Variants in NPTN observed in about 807,000 individuals in gnomAD.
NPTN encodes the protein neuroplastin.
Under a neutral mutation model 42.7 loss-of-function variants are expected in NPTN, and 5 were observed. The observed-to-expected ratio is 0.12, with a 90% CI of 0.06 to 0.25. NPTN has a LOEUF of 0.25. Among genes scored for constraint, NPTN ranks in the 10% least tolerant of loss-of-function variants. NPTN has a pLI of 1.00. For missense variants in NPTN, 307 were observed against 525.4 expected, an observed-to-expected ratio of 0.58 and a Z score of 4.06; for synonymous variants, 180 against 201.9, an observed-to-expected ratio of 0.89 and a Z score of 0.92.
rs1280379759 is a variant in NPTN, at chr15:73,597,866, A to G, written c.92-497T>C. Reference sequence around the variant, plus strand: ...AATGCAGTGTCTTTTGCAAGCCTCAACAAGAAGTATTAAATGACCTACTGG... The same window carrying G: ...AATGCAGTGTCTTTTGCAAGCCTCAGCAAGAAGTATTAAATGACCTACTGG... On this transcript the variant is annotated intron_variant, in intron 1 of 8. Coordinates refer to ENST00000345330, the MANE Select transcript of NPTN (RefSeq NM_012428.4). The surrounding 1 kb of genome is among the most constrained non-coding windows in gnomAD (Gnocchi z 6.3). 1.3e-5 allele frequency among the ~76,000 whole-genome samples: 2 copies of G among 152,236 alleles called. No individual in the cohort carries two copies. Among genetic ancestry groups the G allele is most frequent in the African/African-American group, 4.8e-5 (2 of 41,470 alleles).
intron 1 of NPTN, among the ~76,000 whole-genome samples, chr15:73,605,111 G>A (rs12441072): frequency 0.46 from 64,239 of 140,458 alleles, 15,381 homozygotes; most frequent in Middle Eastern, 0.56. Flanking sequence ...GGGGGGGGGG[G>A]AAAAGAATGA....
intron 1 of NPTN, among the ~76,000 whole-genome samples, chr15:73,628,743 T>A (rs1898570139): frequency 6.6e-6 from 1 of 152,058 alleles, no homozygotes; most frequent in Non-Finnish European, 1.5e-5. Context: ...CCCAATTAAA[T>A]CTTTTTTTAA....
chr15:73,596,537 A>C (rs1369150448), intron 2 of NPTN, among the ~76,000 whole-genome samples: 1 of 152,234 alleles, frequency 6.6e-6, no homozygotes, highest in Admixed American at 6.5e-5. Context: ...AGAAATAAAA[A>C]GTAGTTAGAC....
intron 3 of NPTN, among the ~76,000 whole-genome samples, chr15:73,590,644 G>A (rs975036036): frequency 1.3e-5 from 2 of 151,724 alleles, no homozygotes; most frequent in East Asian, 3.9e-4. Flanking sequence ...GTGTGGTGGT[G>A]TGCACCTGTG....
chr15:73,598,692 C>G (rs1896940853), intron 1 of NPTN, among the ~76,000 whole-genome samples: 2 of 152,152 alleles, frequency 1.3e-5, no homozygotes, highest in African/African-American at 4.8e-5. Context: ...GCTGCATAAG[C>G]CAAGCCAGCC....
At position 73,597,330 on chromosome 15, in the gene NPTN, G is replaced by A. The variant is rs750676855; in HGVS notation, c.131C>T (p.Thr44Met). The A allele has an allele frequency of 3.7e-6, 6 of 1,613,600 alleles. No homozygotes were observed. Among genetic ancestry groups the A allele is most frequent in the East Asian group, 2.2e-5 (1 of 44,852 alleles). The change falls in exon 2 of 9, where the codon ACG becomes ATG. Residue 44 changes from threonine (T) to methionine (M), a missense_variant. Physicochemically the swap from Thr to Met is moderately conservative, Grantham distance 81. This residue lies in a region of NPTN where 264 missense variants were observed against 491.1 expected (regional missense o/e 0.54). Coordinates refer to ENST00000345330, the MANE Select transcript of NPTN (RefSeq NM_012428.4). This position sits in a 1 kb window ranked among gnomAD's most constrained non-coding sequence, Gnocchi z 6.3. ...ACAGTACAGCTCAAAGGCGTCCCCCGTGAGCTTAGTTTCTGACATGGGCGA... is the reference window on the plus strand; with the variant it reads ...ACAGTACAGCTCAAAGGCGTCCCCCATGAGCTTAGTTTCTGACATGGGCGA... ...VKSPMSETKL[T>M]GDAFELYCDV...
chr15:73,567,171 G>C, intron 6 of NPTN: 1 of 984,948 alleles, frequency 1.0e-6, no homozygotes, highest in South Asian at 4.7e-5. Context: ...TGCTTTTGTA[G>C]TAAGGGGATG....
intron 1 of NPTN, among the ~76,000 whole-genome samples, chr15:73,603,153 G>A (rs948819947): frequency 6.6e-6 from 1 of 152,152 alleles, no homozygotes; most frequent in African/African-American, 2.4e-5. Context: ...TGTAAAACGG[G>A]ACTAATAATA....
chr15:73,603,863 C>G (rs1897174403), intron 1 of NPTN, among the ~76,000 whole-genome samples: 1 of 152,204 alleles, frequency 6.6e-6, no homozygotes, highest in Admixed American at 6.5e-5. Context: ...TTTGAGTCAG[C>G]ACCTCCACAA....
At chr15:73,580,014 T>C (rs1895906240) in intron 4 of NPTN, among the ~76,000 whole-genome samples, 1 of 152,204 alleles carries the variant, frequency 6.6e-6, no homozygotes, top group African/African-American at 2.4e-5. Context: ...CATTTTTGTA[T>C]GTATAGATAC....
At chr15:73,565,164 T>A (rs1358904192) in intron 6 of NPTN, among the ~76,000 whole-genome samples, 1 of 152,120 alleles carries the variant, frequency 6.6e-6, no homozygotes, top group Non-Finnish European at 1.5e-5. Context: ...CAGTTGAGAT[T>A]CACAAGGGGG....
At chr15:73,628,251 T>C (rs915030446) in intron 1 of NPTN, among the ~76,000 whole-genome samples, 16 of 152,200 alleles carry the variant, frequency 1.1e-4, no homozygotes, top group Admixed American at 1.3e-4. Flanking sequence ...TGACAGCTTA[T>C]ATTTTTCCGG....
intron 1 of NPTN, among the ~76,000 whole-genome samples, chr15:73,610,500 T>C (rs1194927051): frequency 1.3e-5 from 2 of 152,232 alleles, no homozygotes; most frequent in Non-Finnish European, 2.9e-5. Context: ...TAACATGGAA[T>C]GCTTTCTGTG....
intron 1 of NPTN, among the ~76,000 whole-genome samples, chr15:73,616,693 G>A (rs1897878641): frequency 6.6e-6 from 1 of 152,094 alleles, no homozygotes; most frequent in Admixed American, 6.5e-5. Flanking sequence ...ACATGATTAA[G>A]TAGAATTTTC....
intron 1 of NPTN, among the ~76,000 whole-genome samples, chr15:73,604,041 G>C (rs1195333449): frequency 6.6e-6 from 1 of 152,022 alleles, no homozygotes; most frequent in Non-Finnish European, 1.5e-5. Flanking sequence ...TTGGTATGAC[G>C]GATCTCCCTC....
intron 3 of NPTN, 83 bp downstream of exon 3, chr15:73,591,883 A>G: frequency 7.4e-7 from 1 of 1,344,492 alleles, no homozygotes; most frequent in Non-Finnish European, 1.0e-6. Flanking sequence ...TCCCTTCTGC[A>G]TGGCGCAACT....
chr15:73,583,696 C>T (rs556744399), intron 4 of NPTN, among the ~76,000 whole-genome samples: 2 of 152,208 alleles, frequency 1.3e-5, no homozygotes, highest in Non-Finnish European at 2.9e-5. Flanking sequence ...CAAGTCACAG[C>T]AATTCTGAGT....
At chr15:73,562,538 T>TG (rs1894739345) in intron 7 of NPTN, among the ~76,000 whole-genome samples, 1 of 152,218 alleles carries the variant, frequency 6.6e-6, no homozygotes, top group African/African-American at 2.4e-5. Context: ...CTGGCAGTGC[T>TG]GGGCCCTCTG....
At chr15:73,605,530 A>T (rs1195905122) in intron 1 of NPTN, among the ~76,000 whole-genome samples, 1 of 151,834 alleles carries the variant, frequency 6.6e-6, no homozygotes. Flanking sequence ...GGAGTTTGAG[A>T]CCAACCTGAA....
Sources: gnomAD v4.1 joint callset for allele counts (sites outside exome capture counted in the v4.1 genomes callset) on GRCh38, gnomAD v4.1.1 for gene constraint, gnomAD v4.1.1 regional missense constraint, Gnocchi (gnomAD v3.1) non-coding constraint, MANE v1.5 for transcripts, NCBI Gene and HGNC (gene_info 2026-07-23, HGNC 2026-07-21) for gene names.